Variants in RAP1A observed in about 807,000 individuals in gnomAD.
The protein encoded by RAP1A is RAP1A, member of RAS oncogene family, also known as ras-related protein Rap-1A.
RAP1A carries 6 observed loss-of-function variants against 26.4 expected under a neutral mutation model. The ratio of observed to expected loss-of-function variants is 0.23; its 90% CI spans 0.12 to 0.45. The LOEUF is 0.45. Ranked by LOEUF, RAP1A falls within the 20% of genes least tolerant of loss-of-function variation. The probability of loss-of-function intolerance (pLI) is 0.99; values close to 1 mark genes in which losing one functional copy is unlikely to be tolerated. For missense variants in RAP1A, 121 were observed against 217.2 expected (o/e 0.56, Z 2.78); for synonymous variants, 73 against 79.4 (o/e 0.92, Z 0.43).
chr1:111,688,717 T>C (rs1349384034), intron 1 of RAP1A, among the ~76,000 whole-genome samples: 1 of 152,158 alleles, frequency 6.6e-6, no homozygotes, highest in Non-Finnish European at 1.5e-5. Flanking sequence ...AATTTGATTA[T>C]TGTGCCTCGT....
At chr1:111,672,695 G>C (rs757994326) in intron 1 of RAP1A, among the ~76,000 whole-genome samples, 3 of 152,160 alleles carry the variant, frequency 2.0e-5, no homozygotes, top group South Asian at 2.1e-4. Context: ...TAAGAATTCA[G>C]ACAGCAGCAC....
intron 1 of RAP1A, among the ~76,000 whole-genome samples, chr1:111,674,289 CTT>C (rs72052378): frequency 6.0e-4 from 88 of 146,982 alleles, no homozygotes; most frequent in African/African-American, 2.1e-3. Context: ...ATGGACATCA[CTT>C]TTTTTTTTTT....
At chr1:111,614,451 A>G (rs139873024) in intron 1 of RAP1A, among the ~76,000 whole-genome samples, 1 of 152,208 alleles carries the variant, frequency 6.6e-6, no homozygotes, top group Admixed American at 6.5e-5. Context: ...ATGTATCACA[A>G]TCTTCTTAAA....
chr1:111,650,435 A>G (rs1208178418), intron 1 of RAP1A: 1 of 152,216 alleles, frequency 6.6e-6, no homozygotes, highest in Non-Finnish European at 1.5e-5. Flanking sequence ...CATTGAAAAA[A>G]CATGGAATGC....
intron 2 of RAP1A, among the ~76,000 whole-genome samples, chr1:111,694,127 A>G (rs556136881): frequency 1.3e-5 from 2 of 152,246 alleles, no homozygotes; most frequent in South Asian, 2.1e-4. Context: ...AGCTCAAGCA[A>G]TCCTCCTGCC....
upstream of RAP1A, among the ~76,000 whole-genome samples, chr1:111,618,844 T>A (rs1476126317): frequency 6.6e-6 from 1 of 152,152 alleles, no homozygotes; most frequent in Non-Finnish European, 1.5e-5. Context: ...TAAAATAAAA[T>A]AGCCTTCTTC....
At chr1:111,675,070 C>T (rs1468993091) in intron 1 of RAP1A, among the ~76,000 whole-genome samples, 1 of 151,862 alleles carries the variant, frequency 6.6e-6, no homozygotes, top group Admixed American at 6.6e-5. Flanking sequence ...GTATTTAATT[C>T]TTTAGTGTGT....
At chr1:111,550,948 T>C (rs1229392516) in intron 1 of RAP1A, among the ~76,000 whole-genome samples, 4 of 149,716 alleles carry the variant, frequency 2.7e-5, no homozygotes, top group Non-Finnish European at 4.5e-5. Flanking sequence ...TATATCTTCA[T>C]AGTGGAGTGA....
chr1:111,646,595 C>T (rs1305103096), intron 1 of RAP1A, among the ~76,000 whole-genome samples: 1 of 151,924 alleles, frequency 6.6e-6, no homozygotes, highest in Non-Finnish European at 1.5e-5. Flanking sequence ...GGCTGGAGTA[C>T]AGTGGTGCAA....
intron 1 of RAP1A, among the ~76,000 whole-genome samples, chr1:111,651,441 A>G (rs1009555319): frequency 1.4e-5 from 2 of 144,906 alleles, no homozygotes; most frequent in South Asian, 2.2e-4. Context: ...TACCCTTTAT[A>G]TTGCATAATG....
intron 1 of RAP1A, among the ~76,000 whole-genome samples, chr1:111,630,833 C>T (rs924258357): frequency 6.6e-6 from 1 of 152,170 alleles, no homozygotes; most frequent in Non-Finnish European, 1.5e-5. Flanking sequence ...GGGAACAGCT[C>T]ACTGGATATC....
At chr1:111,604,501 C>G (rs1303524237) in intron 1 of RAP1A, 3 of 152,132 alleles carry the variant, frequency 2.0e-5, no homozygotes, top group Non-Finnish European at 2.9e-5. Context: ...AGCTTATACC[C>G]TTAAAATATA....
chr1:111,608,870 C>G (rs964957855), intron 1 of RAP1A: 3 of 152,196 alleles, frequency 2.0e-5, no homozygotes, highest in African/African-American at 7.3e-5. Flanking sequence ...AGCTTCGGCT[C>G]GGCATCGGGA....
intron 1 of RAP1A, among the ~76,000 whole-genome samples, chr1:111,594,478 C>CGGAAGGAA (rs10633362): frequency 2.2e-5 from 3 of 133,500 alleles, no homozygotes; most frequent in Non-Finnish European, 3.1e-5. Context: ...AGACAAAAAA[C>CGGAAGGAA]GGAAGGAAGG....
chr1:111,553,010 T>C (rs1324849627), intron 1 of RAP1A, among the ~76,000 whole-genome samples: 1 of 152,200 alleles, frequency 6.6e-6, no homozygotes, highest in Non-Finnish European at 1.5e-5. Context: ...AGGTAAGAGC[T>C]CCACTTTTGT....
At chr1:111,695,479 T>G in intron 3 of RAP1A, 70 bp downstream of exon 3, 3 of 1,157,958 alleles carry the variant, frequency 2.6e-6, no homozygotes, top group African/African-American at 1.6e-5. Flanking sequence ...GATCTGTAGA[T>G]TTGCTTTTTG....
At chr1:111,567,526 A>G (rs966699297) in intron 1 of RAP1A, among the ~76,000 whole-genome samples, 11 of 152,126 alleles carry the variant, frequency 7.2e-5, no homozygotes, top group Admixed American at 4.6e-4. Flanking sequence ...TGTCCCCCCA[A>G]AATTCATCTA....
At chr1:111,617,549 C>T (rs1351875065), upstream of RAP1A, among the ~76,000 whole-genome samples, 2 of 152,112 alleles carry the variant, frequency 1.3e-5, no homozygotes, top group African/African-American at 2.4e-5. Flanking sequence ...TCTCCTGCCT[C>T]AGCCTCCTGA....
At chr1:111,706,084 G>A (rs1444261925) in intron 6 of RAP1A, among the ~76,000 whole-genome samples, 1 of 152,166 alleles carries the variant, frequency 6.6e-6, no homozygotes, top group Non-Finnish European at 1.5e-5. Flanking sequence ...TCTTGTTAAA[G>A]CAGAGAGTTT....
Sources: gnomAD v4.1 joint callset for allele counts (sites outside exome capture counted in the v4.1 genomes callset) on GRCh38, gnomAD v4.1.1 for gene constraint, MANE v1.5 for transcripts, NCBI Gene and HGNC (gene_info 2026-07-23, HGNC 2026-07-21) for gene names.